The following RCC1 variants were observed in gnomAD, a reference collection of about 807,000 sequenced individuals.
RCC1 encodes regulator of chromosome condensation.
In RCC1, 11 loss-of-function variants were observed where a neutral mutation model predicts 44.4. That is an observed-to-expected ratio of 0.25 (90% CI 0.16 to 0.41). The LOEUF (loss-of-function observed/expected upper bound fraction) is 0.41, where lower values mean the gene tolerates loss of function less well. Ranked by LOEUF, RCC1 falls within the 10% of genes least tolerant of loss-of-function variation. RCC1 has a pLI of 1.00. For missense variants in RCC1, 386 were observed against 547.1 expected, an observed-to-expected ratio of 0.71 and a Z score of 2.94; for synonymous variants, 213 against 216.5, an observed-to-expected ratio of 0.98 and a Z score of 0.14.
chr1:28,508,945 T>C (rs777820067), intron 3 of RCC1, 40 bp downstream of exon 3: 5 of 488,864 alleles, frequency 1.0e-5, no homozygotes, highest in South Asian at 7.3e-5. Flanking sequence ...GGTTTGACAA[T>C]CTTTGGCAGA....
intron 4 of RCC1, 99 bp downstream of exon 4, chr1:28,516,966 C>G: frequency 2.4e-6 from 1 of 422,976 alleles, no homozygotes; most frequent in South Asian, 1.7e-5. Flanking sequence ...ACTAAAAATA[C>G]GAAAATTAGC....
At chr1:28,531,254 C>A (rs980095952) in intron 5 of RCC1, among the ~76,000 whole-genome samples, 2 of 124,936 alleles carry the variant, frequency 1.6e-5, no homozygotes, top group South Asian at 2.4e-4. Flanking sequence ...AATTAGCTTT[C>A]TTTTCTTTTT....
intron 3 of RCC1, chr1:28,509,415 TA>T (rs925477889): frequency 3.8e-5 from 6 of 158,658 alleles, no homozygotes; most frequent in African/African-American, 1.4e-4. Context: ...CTAATTTTTG[TA>T]TTTTTAGTAG....
chr1:28,507,436 C>G (rs1662061143), intron 1 of RCC1: 1 of 518,972 alleles, frequency 1.9e-6, no homozygotes, highest in South Asian at 1.4e-5. Flanking sequence ...GCATAGGGCT[C>G]TGCCCCATGA....
At position 28,508,818 on chromosome 1, in the gene RCC1, CT is replaced by C; in HGVS notation, c.-228-8del. 3.9e-6 allele frequency: 2 copies of C among 517,320 alleles called. No individual in the cohort carries two copies. Among genetic ancestry groups the C allele is most frequent in the Non-Finnish European group, 7.7e-6 (2 of 259,074 alleles). 32.0% of individuals were successfully genotyped at this position (517,320 alleles called of 1,614,324 possible). On this transcript the variant is annotated splice_polypyrimidine_tract_variant and intron_variant, in intron 2 of 12. Transcript: ENST00000683442. ...ATCTTCAGGAGTCTAATCATTATTT[CT>C]TTTCTTTTAGGAGAGAAGACGATCT...
intron 4 of RCC1, among the ~76,000 whole-genome samples, chr1:28,520,719 G>C (rs1181178172): frequency 2.0e-5 from 3 of 152,080 alleles, no homozygotes; most frequent in Admixed American, 1.3e-4. Flanking sequence ...GGGCGGGGTG[G>C]GGAAGCATGA....
intron 3 of RCC1, among the ~76,000 whole-genome samples, chr1:28,513,557 CTT>C (rs1330219449): frequency 2.0e-5 from 3 of 151,524 alleles, no homozygotes; most frequent in Non-Finnish European, 4.4e-5. Flanking sequence ...CAGTCTATGT[CTT>C]TTAATTGGAG....
chr1:28,533,748 C>G (rs1341526319), intron 7 of RCC1, among the ~76,000 whole-genome samples: 2 of 67,222 alleles, frequency 3.0e-5, no homozygotes, highest in Admixed American at 2.5e-4. Flanking sequence ...CCAGCCTGGG[C>G]AACAAGAGCG....
In RCC1 at chr1:28,528,009, C is replaced by CAA. The variant is rs56261878; in HGVS notation, c.-9-1831_-9-1830dup. On this transcript the variant is annotated intron_variant, in intron 4 of 12. Transcript: ENST00000683442. ...GGGCAATAAGAACAAAACTCTGCTT[C>CAA]AAAAAAAAAAAAAAAAAAACATGTA... Among the ~76,000 whole-genome samples, 217 of 97,602 alleles carry CAA rather than the reference C, an allele frequency of 2.2e-3. 1 individual carries two copies. The highest frequency in any genetic ancestry group is 0.014 in the South Asian group (41 of 2,858). The allele number at this position is 97,602 out of a possible 152,430, so 64.0% of individuals were successfully genotyped here. A position where few individuals can be genotyped will look rare whatever the true frequency, so the allele number is the denominator to read the frequency against.
intron 4 of RCC1, among the ~76,000 whole-genome samples, chr1:28,522,349 G>C (rs761200614): frequency 6.6e-6 from 1 of 152,132 alleles, no homozygotes; most frequent in Non-Finnish European, 1.5e-5. Flanking sequence ...GGGAAGAGAA[G>C]GGAGGATGTG....
chr1:28,532,104 G>T (rs965187277), intron 6 of RCC1, 67 bp from the exon 7 acceptor site: 49 of 1,579,416 alleles, frequency 3.1e-5, no homozygotes, highest in Middle Eastern at 3.4e-4. Flanking sequence ...AGTCAAGTGG[G>T]GAGTGGCCTA....
rs1339703828 is a variant in RCC1, at chr1:28,536,479, G to T, written c.937+98G>T. On this transcript the variant is annotated intron_variant, in intron 11 of 12. Coordinates refer to ENST00000683442, the MANE Select transcript of RCC1 (RefSeq NM_001381865.2). This position sits in a 1 kb window ranked among gnomAD's most constrained non-coding sequence, Gnocchi z 4.9. ...ACCATGGTCCTTGGAGCCTGGGTCT[G>T]TTCCATGGGTTGTACCATACATGGG... is the stretch of plus-strand genomic sequence containing the variant. 2 of 1,440,418 alleles carry T rather than the reference G, an allele frequency of 1.4e-6. No homozygotes were observed. The highest frequency in any genetic ancestry group is 4.5e-5 in the East Asian group (2 of 44,066). 89.2% of individuals were successfully genotyped at this position (1,440,418 alleles called of 1,614,324 possible). A position where few individuals can be genotyped will look rare whatever the true frequency, so the allele number is the denominator to read the frequency against.
In RCC1 at chr1:28,513,551, CTA is replaced by C. The variant is rs145371747; in HGVS notation, c.-152-3172_-152-3171del. On this transcript the variant is annotated intron_variant, in intron 3 of 12. Transcript: ENST00000683442. ...ATGTTGGGTTTTTCAGTATGACAGT[CTA>C]TGTCTTTTAATTGGAGTGTTTAGGC... Among the ~76,000 whole-genome samples, 596 of 151,508 alleles carry C rather than the reference CTA, an allele frequency of 3.9e-3. 3 individuals carry two copies. Among genetic ancestry groups the C allele is most frequent in the African/African-American group, 0.013 (540 of 41,280 alleles).
At chr1:28,532,431 G>A (rs1664238605) in intron 7 of RCC1, 81 bp downstream of exon 7, 2 of 1,465,344 alleles carry the variant, frequency 1.4e-6, no homozygotes, top group Admixed American at 1.9e-5. Flanking sequence ...CCACTTCCAT[G>A]CCCCCATGGT....
intron 4 of RCC1, among the ~76,000 whole-genome samples, chr1:28,519,746 T>A (rs1032683589): frequency 6.6e-6 from 1 of 151,742 alleles, no homozygotes; most frequent in Non-Finnish European, 1.5e-5. Context: ...TGTATTTTTT[T>A]TTTTTTAGTA....
chr1:28,530,188 G>A (rs1664041186), intron 5 of RCC1, among the ~76,000 whole-genome samples: 1 of 151,898 alleles, frequency 6.6e-6, no homozygotes, highest in Non-Finnish European at 1.5e-5. Flanking sequence ...TAGACCCTAG[G>A]GCTTCACCCC....
intron 4 of RCC1, among the ~76,000 whole-genome samples, chr1:28,520,334 G>A (rs1218474743): frequency 2.0e-5 from 3 of 152,284 alleles, no homozygotes; most frequent in Non-Finnish European, 4.4e-5. Flanking sequence ...TACAGAAATC[G>A]AGGCTGTGGT....
chr1:28,536,628 T>C lies in RCC1; in HGVS notation c.938-119T>C. 1.5e-6 allele frequency: 2 copies of C among 1,292,116 alleles called. No individual in the cohort carries two copies. The highest frequency in any genetic ancestry group is 2.2e-6 in the Non-Finnish European group (2 of 924,346). The allele number at this position is 1,292,116 out of a possible 1,614,324, so 80.0% of individuals were successfully genotyped here. The stretch of plus-strand genomic sequence containing the variant: ...TGGGAAGAGACACTGCAGATCTCCT[T>C]CTGATCGCTCTGGGAGCAGGGACAC... On this transcript the variant is annotated intron_variant, in intron 11 of 12. Coordinates refer to ENST00000683442, the MANE Select transcript of RCC1 (RefSeq NM_001381865.2). The surrounding 1 kb of genome is among the most constrained non-coding windows in gnomAD (Gnocchi z 4.9).
At chr1:28,537,753 C>A in intron 12 of RCC1, 79 bp from the exon 13 acceptor site, 1 of 1,440,060 alleles carries the variant, frequency 6.9e-7, no homozygotes, top group South Asian at 1.4e-5. Context: ...AGTCCACGCC[C>A]ATGTCCCAGG....
Sources: gnomAD v4.1 joint callset for allele counts (sites outside exome capture counted in the v4.1 genomes callset) on GRCh38, gnomAD v4.1.1 for gene constraint, Gnocchi (gnomAD v3.1) non-coding constraint, MANE v1.5 for transcripts, NCBI Gene and HGNC (gene_info 2026-07-23, HGNC 2026-07-21) for gene names.